The following ZMYND8 variants were observed in gnomAD, a reference collection of about 807,000 sequenced individuals.
ZMYND8 encodes the protein zinc finger MYND-type containing 8, also known as MYND-type zinc finger-containing chromatin reader ZMYND8.
Under a neutral mutation model 140.8 loss-of-function variants are expected in ZMYND8, and 37 were observed. The ratio of observed to expected loss-of-function variants is 0.26; its 90% CI spans 0.20 to 0.35. The LOEUF (loss-of-function observed/expected upper bound fraction) is 0.35, where lower values mean the gene tolerates loss of function less well. Among genes scored for constraint, ZMYND8 ranks in the 10% least tolerant of loss-of-function variants. ZMYND8 has a pLI of 1.00. For synonymous variants in ZMYND8, 592 were observed against 597.1 expected (o/e 0.99, Z 0.12); for missense variants, 1,068 against 1,570.0 (o/e 0.68, Z 5.40).
intron 12 of ZMYND8, among the ~76,000 whole-genome samples, chr20:47,259,561 T>C (rs1454448976): frequency 6.6e-6 from 1 of 152,150 alleles, no homozygotes; most frequent in Non-Finnish European, 1.5e-5. Context: ...TAAGCGTCAC[T>C]GGGCACAGGT....
At chr20:47,251,448 T>G (rs935182476) in intron 12 of ZMYND8, among the ~76,000 whole-genome samples, 4 of 151,808 alleles carry the variant, frequency 2.6e-5, no homozygotes, top group African/African-American at 9.7e-5. Context: ...GTAGCTGGGC[T>G]TGGTGGTGCA....
intron 14 of ZMYND8, among the ~76,000 whole-genome samples, chr20:47,241,819 CTTT>C (rs536750853): frequency 5.1e-5 from 7 of 137,864 alleles, no homozygotes; most frequent in African/African-American, 8.0e-5. Flanking sequence ...TTTTTCTTTT[CTTT>C]TTTTTTTTTT....
At chr20:47,265,068 A>ATATATGTATATATATATATATATG (rs1555948705) in intron 11 of ZMYND8, among the ~76,000 whole-genome samples, 1 of 144,494 alleles carries the variant, frequency 6.9e-6, no homozygotes, top group African/African-American at 2.5e-5. Context: ...ATATATATAT[A>ATATATGTATATATATATATATATG]GGCATTTTAA....
intron 12 of ZMYND8, among the ~76,000 whole-genome samples, chr20:47,250,082 A>G (rs2074045717): frequency 6.6e-6 from 1 of 152,104 alleles, no homozygotes; most frequent in South Asian, 2.1e-4. Context: ...TGGATACTCA[A>G]CCTCTGTCTA....
intron 2 of ZMYND8, among the ~76,000 whole-genome samples, chr20:47,312,138 T>TG (rs2064363700): frequency 6.6e-6 from 1 of 152,202 alleles, no homozygotes; most frequent in Non-Finnish European, 1.5e-5. Flanking sequence ...AAGATGCTCC[T>TG]GCCCCAGTTT....
At chr20:47,268,646 A>G (rs1054267895) in intron 11 of ZMYND8, among the ~76,000 whole-genome samples, 2 of 151,562 alleles carry the variant, frequency 1.3e-5, no homozygotes, top group African/African-American at 2.4e-5. Flanking sequence ...GCGTGGTGGT[A>G]CACGCCTGTA....
intron 13 of ZMYND8, among the ~76,000 whole-genome samples, chr20:47,246,786 G>T (rs1187002627): frequency 1.3e-5 from 2 of 152,140 alleles, no homozygotes; most frequent in Admixed American, 1.3e-4. Flanking sequence ...TAAACATGTG[G>T]TGCCAAATTT....
chr20:47,253,711 C>T (rs1457560870), intron 12 of ZMYND8, among the ~76,000 whole-genome samples: 3 of 152,166 alleles, frequency 2.0e-5, no homozygotes, highest in African/African-American at 7.2e-5. Context: ...CCTTAGGGTC[C>T]ATAAAAAGAG....
In ZMYND8 at chr20:47,266,456, T is replaced by A. The variant is rs555819675; in HGVS notation, c.1481-4028A>T. On this transcript the variant is annotated intron_variant, in intron 11 of 22. Transcript: ENST00000471951. The stretch of plus-strand genomic sequence containing the variant: ...CCACCACGCCCGGCTAATTTTTGTA[T>A]TTTTAGTAGAGATGGGGGTTTCACC... Among the ~76,000 whole-genome samples, 19 of 152,210 alleles carry A rather than the reference T, an allele frequency of 1.2e-4. No individual in the cohort carries two copies. The South Asian group carries it at 1.5e-3, about 12-fold the overall frequency.
chr20:47,322,004 G>A (rs1243361688), intron 2 of ZMYND8, among the ~76,000 whole-genome samples: 9 of 151,928 alleles, frequency 5.9e-5, no homozygotes, highest in African/African-American at 1.9e-4. Context: ...AGGACTACAG[G>A]CACAGGCCAC....
At chr20:47,252,122 C>G (rs183185018) in intron 12 of ZMYND8, among the ~76,000 whole-genome samples, 1 of 151,608 alleles carries the variant, frequency 6.6e-6, no homozygotes, top group Non-Finnish European at 1.5e-5. Context: ...GGTGAAATCC[C>G]GTCTCTACTA....
At chr20:47,248,864 A>T (rs1471386098) in intron 13 of ZMYND8, among the ~76,000 whole-genome samples, 1 of 152,212 alleles carries the variant, frequency 6.6e-6, no homozygotes, top group East Asian at 1.9e-4. Context: ...GGCAACAGCT[A>T]CAGAAGCAGG....
At chr20:47,349,845 G>A in intron 1 of ZMYND8, 1 of 1,515,236 alleles carries the variant, frequency 6.6e-7, no homozygotes, top group Admixed American at 2.0e-5. Flanking sequence ...GCAGAACTGA[G>A]CCAAAAAAAA....
intron 2 of ZMYND8, among the ~76,000 whole-genome samples, chr20:47,337,167 C>A (rs2081451009): frequency 6.6e-6 from 1 of 151,996 alleles, no homozygotes; most frequent in South Asian, 2.1e-4. Context: ...GCCTGGCCAA[C>A]ACAGTGAAAC....
chr20:47,248,396 C>T (rs75700197), intron 13 of ZMYND8, among the ~76,000 whole-genome samples: 1,703 of 152,334 alleles, frequency 0.011, 31 homozygotes, highest in African/African-American at 0.039. Flanking sequence ...GGCAACCCAA[C>T]GGGAGCTGTT....
chr20:47,356,340 AAAAAAAG>A, intron 1 of ZMYND8: 1 of 1,451,486 alleles, frequency 6.9e-7, no homozygotes, highest in Non-Finnish European at 9.1e-7. Context: ...AAAGAAAAAA[AAAAAAAG>A]AAGGAAAAAA....
chr20:47,310,966 T>C (rs1167696328), intron 2 of ZMYND8, among the ~76,000 whole-genome samples: 2 of 152,168 alleles, frequency 1.3e-5, no homozygotes, highest in South Asian at 2.1e-4. Context: ...GGGACCAGTA[T>C]TGTTCTTACC....
intron 11 of ZMYND8, among the ~76,000 whole-genome samples, chr20:47,265,939 T>G (rs2075488562): frequency 6.6e-6 from 1 of 150,774 alleles, no homozygotes; most frequent in Non-Finnish European, 1.5e-5. Flanking sequence ...AGGAAAACAT[T>G]GGTTTCCCAT....
At chr20:47,309,739 C>T (rs2078773723) in intron 3 of ZMYND8, among the ~76,000 whole-genome samples, 1 of 151,150 alleles carries the variant, frequency 6.6e-6, no homozygotes, top group Admixed American at 6.6e-5. Flanking sequence ...CTCCTCAGGC[C>T]ACATGGGGAA....
Sources: allele counts gnomAD v4.1 joint callset (sites outside exome capture counted in the v4.1 genomes callset), GRCh38; gene constraint gnomAD v4.1.1; transcripts MANE v1.5; gene names NCBI Gene and HGNC (gene_info 2026-07-23, HGNC 2026-07-21).